The following TMEM108 variants were observed in gnomAD, a reference collection of about 807,000 sequenced individuals.
The protein encoded by TMEM108 is cancer/testis antigen 124.
TMEM108 carries 12 observed loss-of-function variants against 35.1 expected under a neutral mutation model. The ratio of observed to expected loss-of-function variants is 0.34; its 90% CI spans 0.22 to 0.55. The LOEUF (loss-of-function observed/expected upper bound fraction) is 0.55. Ranked by LOEUF, TMEM108 falls within the 20% of genes least tolerant of loss-of-function variation. The pLI, the probability that TMEM108 is intolerant of heterozygous loss-of-function variation, is 0.89. For missense variants in TMEM108, 680 were observed against 753.3 expected, an observed-to-expected ratio of 0.90 and a Z score of 1.14; for synonymous variants, 287 against 308.6, an observed-to-expected ratio of 0.93 and a Z score of 0.73.
At chr3:133,374,864 T>G (rs2072787907) in intron 3 of TMEM108, among the ~76,000 whole-genome samples, 1 of 152,136 alleles carries the variant, frequency 6.6e-6, no homozygotes, top group Non-Finnish European at 1.5e-5. Context: ...AAGATGTGAA[T>G]CATTGCTTTT....
chr3:133,065,099 A>G (rs1330576557), intron 2 of TMEM108, among the ~76,000 whole-genome samples: 1 of 152,196 alleles, frequency 6.6e-6, no homozygotes, highest in Non-Finnish European at 1.5e-5. Flanking sequence ...ACCATTTGGG[A>G]AGGCATAGAT....
In TMEM108 at chr3:133,338,830, C is replaced by T. The variant is rs1208428298; in HGVS notation, c.41-40922C>T. Among the ~76,000 whole-genome samples the T allele has an allele frequency of 2.6e-5, 4 of 151,900 alleles. No individual in the cohort carries two copies. The South Asian group carries it at 6.3e-4, about 24-fold the overall frequency. On this transcript the variant is annotated intron_variant, in intron 3 of 5. Transcript: ENST00000321871. The stretch of plus-strand genomic sequence containing the variant: ...ATCAGGAGGATGAAATTAAGGCATA[C>T]AATTTTTAATAGTCTTATTTTTGCT...
chr3:133,121,794 C>T (rs1412594457), intron 2 of TMEM108, among the ~76,000 whole-genome samples: 5 of 152,114 alleles, frequency 3.3e-5, no homozygotes, highest in Admixed American at 6.5e-5. Flanking sequence ...GAAATTTTTT[C>T]TCTCGAGTTT....
At chr3:133,079,939 C>T (rs560447127) in intron 2 of TMEM108, among the ~76,000 whole-genome samples, 1 of 152,236 alleles carries the variant, frequency 6.6e-6, no homozygotes, top group Non-Finnish European at 1.5e-5. Flanking sequence ...CTCTATATAG[C>T]CAGAGGCCTC....
chr3:133,138,441 C>T (rs1944595369), intron 2 of TMEM108, among the ~76,000 whole-genome samples: 1 of 152,118 alleles, frequency 6.6e-6, no homozygotes, highest in Admixed American at 6.5e-5. Context: ...CCCAGGACAG[C>T]TTTGAATGTG....
intron 3 of TMEM108, among the ~76,000 whole-genome samples, chr3:133,263,010 C>G (rs1019687066): frequency 5.3e-5 from 8 of 152,288 alleles, no homozygotes; most frequent in African/African-American, 1.9e-4. Context: ...TTTGGAAGCT[C>G]TCTGTTGCTG....
intron 5 of TMEM108, among the ~76,000 whole-genome samples, 177 bp downstream of exon 5, chr3:133,390,511 G>A (rs558671939): frequency 6.6e-6 from 1 of 152,296 alleles, no homozygotes; most frequent in East Asian, 1.9e-4. Context: ...CAGGATCTGT[G>A]TTTTAGCAAG....
At chr3:133,312,246 A>G (rs2071139282) in intron 3 of TMEM108, among the ~76,000 whole-genome samples, 1 of 152,252 alleles carries the variant, frequency 6.6e-6, no homozygotes, top group African/African-American at 2.4e-5. Flanking sequence ...CCATACTGGC[A>G]GAACCACTGC....
At chr3:133,066,415 G>A (rs538747567) in intron 2 of TMEM108, among the ~76,000 whole-genome samples, 1 of 152,150 alleles carries the variant, frequency 6.6e-6, no homozygotes, top group East Asian at 1.9e-4. Flanking sequence ...AAATTTAAGA[G>A]TGTAAGCAAT....
At chr3:133,289,447 G>A (rs1175882217) in intron 3 of TMEM108, among the ~76,000 whole-genome samples, 1 of 152,164 alleles carries the variant, frequency 6.6e-6, no homozygotes, top group African/African-American at 2.4e-5. Flanking sequence ...CTCGACATCA[G>A]TCAGACACCA....
At chr3:133,349,434 GCAAAAATAGA>G (rs2071923779) in intron 3 of TMEM108, among the ~76,000 whole-genome samples, 1 of 151,990 alleles carries the variant, frequency 6.6e-6, no homozygotes, top group South Asian at 2.1e-4. Flanking sequence ...GGCAACAAAA[GCAAAAATAGA>G]CAAATAGGAT....
intron 2 of TMEM108, among the ~76,000 whole-genome samples, chr3:133,216,134 C>T (rs1240936817): frequency 1.3e-5 from 2 of 152,030 alleles, no homozygotes; most frequent in East Asian, 3.8e-4. Context: ...CATTTCAAGT[C>T]AATCTGCATA....
At chr3:133,148,359 T>A (rs1039732605) in intron 2 of TMEM108, among the ~76,000 whole-genome samples, 2 of 152,206 alleles carry the variant, frequency 1.3e-5, no homozygotes, top group Admixed American at 6.5e-5. Flanking sequence ...ATATAATAGC[T>A]ACTTTTCTTG....
chr3:133,242,489 AAAAACC>A (rs1432092469), intron 3 of TMEM108, among the ~76,000 whole-genome samples: 1 of 152,224 alleles, frequency 6.6e-6, no homozygotes, highest in Admixed American at 6.5e-5. Flanking sequence ...TGAGTGTTTT[AAAAACC>A]AATGTGTTGA....
chr3:133,314,473 T>C (rs963691122), intron 3 of TMEM108, among the ~76,000 whole-genome samples: 1 of 152,230 alleles, frequency 6.6e-6, no homozygotes, highest in African/African-American at 2.4e-5. Flanking sequence ...CTTAGACTGA[T>C]AATTTTCCTA....
chr3:133,087,399 G>C lies in TMEM108; in HGVS notation c.-47+41379G>C, dbSNP rs543190907. Among the ~76,000 whole-genome samples the C allele has an allele frequency of 7.2e-5, 11 of 152,338 alleles. No individual in the cohort carries two copies. The East Asian group carries it at 1.9e-3, about 27-fold the overall frequency. ...TTCATGCCTTATAACCATAGGCAATGCTAACTTGCTTTGTTGTATAGCCCC... is the reference window on the plus strand; with the variant it reads ...TTCATGCCTTATAACCATAGGCAATCCTAACTTGCTTTGTTGTATAGCCCC... On this transcript the variant is annotated intron_variant, in intron 2 of 5. Coordinates refer to ENST00000321871, the MANE Select transcript of TMEM108 (RefSeq NM_023943.4).
intron 3 of TMEM108, among the ~76,000 whole-genome samples, chr3:133,291,257 A>ATT (rs1947064270): frequency 4.6e-5 from 6 of 129,630 alleles, no homozygotes; most frequent in Admixed American, 3.3e-4. Flanking sequence ...ACCACCGTGG[A>ATT]GTTTTTTTTT....
chr3:133,286,332 A>G (rs1470119054), intron 3 of TMEM108, among the ~76,000 whole-genome samples: 1 of 151,910 alleles, frequency 6.6e-6, no homozygotes, highest in African/African-American at 2.4e-5. Flanking sequence ...CCCAGCTTTT[A>G]TTTATTTATT....
At chr3:133,235,450 A>C (rs539457175) in intron 3 of TMEM108, among the ~76,000 whole-genome samples, 1 of 152,200 alleles carries the variant, frequency 6.6e-6, no homozygotes, top group African/African-American at 2.4e-5. Flanking sequence ...ATAACGCTGC[A>C]TATCTACAAC....
Sources: gnomAD v4.1 joint callset for allele counts (sites outside exome capture counted in the v4.1 genomes callset) on GRCh38, gnomAD v4.1.1 for gene constraint, MANE v1.5 for transcripts, NCBI Gene and HGNC (gene_info 2026-07-23, HGNC 2026-07-21) for gene names.